The following PAX5 variants were observed in gnomAD, a reference collection of about 807,000 sequenced individuals.
PAX5 encodes the protein paired box 5.
Under a neutral mutation model 43.7 loss-of-function variants are expected in PAX5, and 9 were observed. That is an observed-to-expected ratio of 0.21 (90% CI 0.12 to 0.36). The LOEUF (loss-of-function observed/expected upper bound fraction) is 0.36. Ranked by LOEUF, PAX5 falls within the 10% of genes least tolerant of loss-of-function variation. The pLI is 1.00. For missense variants in PAX5, 383 were observed against 532.7 expected, an observed-to-expected ratio of 0.72 and a Z score of 2.77; for synonymous variants, 228 against 214.3, an observed-to-expected ratio of 1.06 and a Z score of -0.56.
chr9:36,842,719 G>A (rs1460361157), intron 9 of PAX5, among the ~76,000 whole-genome samples: 3 of 151,886 alleles, frequency 2.0e-5, no homozygotes, highest in Non-Finnish European at 2.9e-5. Flanking sequence ...CCTTCACATC[G>A]GCCACAGGCA....
intron 7 of PAX5, among the ~76,000 whole-genome samples, chr9:36,887,970 A>G (rs1827044391): frequency 6.6e-6 from 1 of 152,260 alleles, no homozygotes; most frequent in South Asian, 2.1e-4. Flanking sequence ...AAGCAACTGA[A>G]TAGGCATTTG....
chr9:36,972,951 C>T (rs950160028), intron 5 of PAX5, among the ~76,000 whole-genome samples: 20 of 151,556 alleles, frequency 1.3e-4, no homozygotes, highest in Non-Finnish European at 7.4e-5. Flanking sequence ...TCTCTTGAAC[C>T]CAGGAGACGG....
intron 1 of PAX5, among the ~76,000 whole-genome samples, chr9:37,031,267 T>C (rs898293709): frequency 5.9e-5 from 9 of 152,226 alleles, no homozygotes; most frequent in African/African-American, 1.9e-4. Context: ...TCCCAAAGAC[T>C]TGAGACAGGC....
chr9:36,873,206 C>A (rs1412608433), intron 8 of PAX5, among the ~76,000 whole-genome samples: 2 of 152,234 alleles, frequency 1.3e-5, no homozygotes, highest in African/African-American at 4.8e-5. Context: ...TTTATAGATT[C>A]CTAGGTCTTA....
intron 7 of PAX5, among the ~76,000 whole-genome samples, chr9:36,905,676 G>T (rs942957342): frequency 2.0e-5 from 3 of 152,198 alleles, no homozygotes; most frequent in Non-Finnish European, 2.9e-5. Flanking sequence ...CAGATAGAGG[G>T]CAGTGGATCA....
In PAX5 at chr9:36,833,983, GT is replaced by G. The variant is rs1354387435; in HGVS notation, c.*6576del. 4.3e-6 allele frequency: 1 copy of G among 232,388 alleles called. No individual in the cohort carries two copies. The highest frequency in any genetic ancestry group is 8.5e-6 in the Non-Finnish European group (1 of 117,746). 14.4% of individuals were successfully genotyped at this position (232,388 alleles called of 1,614,324 possible). ...GTCAGTCCCTAAGACAAAATCAAAT[GT>G]CTCAAAGAATTAAAAGCAAAATGCA... On this transcript the variant is annotated 3_prime_UTR_variant, in exon 10 of 10. Transcript: ENST00000358127.
intron 5 of PAX5, among the ~76,000 whole-genome samples, chr9:36,975,261 A>T (rs1408927544): frequency 6.6e-6 from 1 of 152,184 alleles, no homozygotes; most frequent in Admixed American, 6.5e-5. Context: ...TGCTAAAGTG[A>T]AGTTGGGCAC....
At chr9:36,996,800 G>A (rs1269628272) in intron 5 of PAX5, among the ~76,000 whole-genome samples, 1 of 152,206 alleles carries the variant, frequency 6.6e-6, no homozygotes, top group Non-Finnish European at 1.5e-5. Flanking sequence ...GCCTGAAAGA[G>A]ACAGGGGAAG....
chr9:36,842,177 C>T (rs548461445), intron 9 of PAX5, among the ~76,000 whole-genome samples: 2 of 152,334 alleles, frequency 1.3e-5, no homozygotes, highest in South Asian at 2.1e-4. Context: ...ACCTCCCTGG[C>T]TGCAGTCCCG....
At chr9:36,850,807 C>T (rs565964764) in intron 8 of PAX5, among the ~76,000 whole-genome samples, 1 of 152,268 alleles carries the variant, frequency 6.6e-6, no homozygotes, top group East Asian at 1.9e-4. Flanking sequence ...CACATGGAAA[C>T]CCCTAAGAAC....
intron 6 of PAX5, among the ~76,000 whole-genome samples, chr9:36,934,196 C>T (rs1350693736): frequency 6.6e-6 from 1 of 152,238 alleles, no homozygotes; most frequent in Non-Finnish European, 1.5e-5. Context: ...AGGCACCTCT[C>T]ACTCTTGGTA....
At chr9:36,907,423 G>A (rs537343659) in intron 7 of PAX5, among the ~76,000 whole-genome samples, 1 of 152,228 alleles carries the variant, frequency 6.6e-6, no homozygotes, top group East Asian at 1.9e-4. Context: ...CCATAGCCAG[G>A]CTCCAAGTCA....
intron 7 of PAX5, among the ~76,000 whole-genome samples, chr9:36,894,628 G>A (rs746209277): frequency 4.6e-5 from 7 of 152,136 alleles, no homozygotes; most frequent in South Asian, 2.1e-4. Context: ...AAATGAGGAC[G>A]ATCCTATCTT....
intron 2 of PAX5, among the ~76,000 whole-genome samples, chr9:37,016,445 T>C (rs1396245286): frequency 6.6e-6 from 1 of 152,210 alleles, no homozygotes. Flanking sequence ...GGTAAATGGC[T>C]GTTTCTAAGG....
At chr9:37,029,044 C>T (rs1176875283) in intron 1 of PAX5, among the ~76,000 whole-genome samples, 1 of 152,194 alleles carries the variant, frequency 6.6e-6, no homozygotes, top group Non-Finnish European at 1.5e-5. Context: ...GCTGAGGATT[C>T]CCTTGCCCCA....
At chr9:36,970,774 G>A (rs1437176178) in intron 5 of PAX5, among the ~76,000 whole-genome samples, 2 of 152,124 alleles carry the variant, frequency 1.3e-5, no homozygotes, top group Non-Finnish European at 2.9e-5. Flanking sequence ...TCCTCCTCCA[G>A]GATGCCTTCC....
At chr9:36,915,952 T>C (rs1233438426) in intron 7 of PAX5, among the ~76,000 whole-genome samples, 1 of 151,786 alleles carries the variant, frequency 6.6e-6, no homozygotes, top group African/African-American at 2.4e-5. Flanking sequence ...ATGCCTGTGG[T>C]CCCAGCTGCT....
At chr9:36,918,283 GA>G (rs1450220102) in intron 7 of PAX5, among the ~76,000 whole-genome samples, 2 of 152,210 alleles carry the variant, frequency 1.3e-5, no homozygotes, top group Non-Finnish European at 1.5e-5. Flanking sequence ...AAAAGTTGTT[GA>G]AGGAAATTAA....
At chr9:37,016,724 G>T (rs944064) in intron 2 of PAX5, among the ~76,000 whole-genome samples, 134,490 of 152,218 alleles carry the variant, frequency 0.88, 61,158 homozygotes, top group Non-Finnish European at 1. Flanking sequence ...TAATAATTTT[G>T]AAACCTAACA....
Sources: allele counts gnomAD v4.1 joint callset (sites outside exome capture counted in the v4.1 genomes callset), GRCh38; gene constraint gnomAD v4.1.1; transcripts MANE v1.5; gene names NCBI Gene and HGNC (gene_info 2026-07-23, HGNC 2026-07-21).